The following TNK2 variants were observed in gnomAD, a reference collection of about 807,000 sequenced individuals.
TNK2 encodes tyrosine kinase non receptor 2.
Under a neutral mutation model 101.8 loss-of-function variants are expected in TNK2, and 83 were observed. The observed-to-expected ratio is 0.82, with a 90% CI of 0.68 to 0.98. The LOEUF (loss-of-function observed/expected upper bound fraction) is 0.98. Ranked by LOEUF, TNK2 falls within the 50% of genes least tolerant of loss-of-function variation. TNK2 has a pLI of 0.00. For synonymous variants in TNK2, 804 were observed against 633.0 expected, an observed-to-expected ratio of 1.27 and a Z score of -4.06; for missense variants, 1,665 against 1,483.2, an observed-to-expected ratio of 1.12 and a Z score of -2.01.
At position 195,869,854 on chromosome 3, in the gene TNK2, G is replaced by T. The variant is rs114974453; in HGVS notation, c.1543+260C>A. 1,095 of 557,458 alleles carry T rather than the reference G, an allele frequency of 2.0e-3. 13 individuals carry two copies. Among genetic ancestry groups the T allele is most frequent in the African/African-American group, 0.018 (961 of 53,128 alleles). The allele number at this position is 557,458 out of a possible 1,614,324, so 34.5% of individuals were successfully genotyped here. A position where few individuals can be genotyped will look rare whatever the true frequency, so the allele number is the denominator to read the frequency against. Reference sequence around the variant, plus strand: ...GTGAGGAAAGCCAGGATCTGAGCTCGGCCGTGGAAGGAGGGAGGAGGGACG... The same window carrying T: ...GTGAGGAAAGCCAGGATCTGAGCTCTGCCGTGGAAGGAGGGAGGAGGGACG... On this transcript the variant is annotated intron_variant, in intron 11 of 15. Coordinates refer to ENST00000672887, the MANE Select transcript of TNK2 (RefSeq NM_001382273.1).
chr3:195,870,010 T>C (rs2149274508), intron 11 of TNK2, 104 bp downstream of exon 11: 2 of 920,670 alleles, frequency 2.2e-6, no homozygotes, highest in Non-Finnish European at 3.2e-6. Flanking sequence ...CTGACCCCAC[T>C]GTCCCCAAAA....
In TNK2 at chr3:195,879,096, T is replaced by A; in HGVS notation, c.967A>T (p.Met323Leu). Residue 323 changes from methionine (M) to leucine (L), a missense_variant, in exon 7 of 16, where the codon ATG becomes TTG. Transcript: ENST00000672887. ...CAGGGCTCCTGGCCGTAGGTGAACA[T>A]TTCCCACAGTGTCACCCCGAACATC... ...TWMFGVTLWE[M>L]FTYGQEPWIG... 6.2e-7 allele frequency: 1 copy of A among 1,613,746 alleles called. No homozygotes were observed. Among genetic ancestry groups the A allele is most frequent in the Non-Finnish European group, 8.5e-7 (1 of 1,179,984 alleles).
chr3:195,872,543 C>T, intron 9 of TNK2, 73 bp from the exon 10 acceptor site: 1 of 1,455,964 alleles, frequency 6.9e-7, no homozygotes. Flanking sequence ...CTCCTCACAC[C>T]CTGGCCACTG....
At position 195,892,556 on chromosome 3, in the gene TNK2, C is replaced by T. The variant is rs959906895; in HGVS notation, c.-18-3950G>A. The stretch of plus-strand genomic sequence containing the variant: ...GTGGCCTCGGCTCCGGAGCTTCGCA[C>T]TCTGCCCAGGAGCCCCCCAAATCCC... On this transcript the variant is annotated intron_variant, in intron 1 of 15. Coordinates refer to ENST00000672887, the MANE Select transcript of TNK2 (RefSeq NM_001382273.1). 4 of 1,517,484 alleles carry T rather than the reference C, an allele frequency of 2.6e-6. No individual in the cohort carries two copies. In the African/African-American group the frequency reaches 4.1e-5, roughly 16 times the overall value. 94.0% of individuals were successfully genotyped at this position (1,517,484 alleles called of 1,614,324 possible).
Position 195,870,209 on chromosome 3 carries a change from TG to T in TNK2, c.1452-5del, listed in dbSNP as rs758953167. 1 of 1,573,472 alleles carries T rather than the reference TG, an allele frequency of 6.4e-7. No homozygotes were observed. Among genetic ancestry groups the T allele is most frequent in the Non-Finnish European group, 8.6e-7 (1 of 1,158,346 alleles). ...CATGGGGTTTCCCAGATACAGTCTG[TG>T]GGGGAGAGAGCTGGGTCAAGAGAGC... On this transcript the variant is annotated splice_polypyrimidine_tract_variant and splice_region_variant and intron_variant, in intron 10 of 15. Transcript: ENST00000672887.
At chr3:195,887,231 C>T (rs1425515940) in intron 2 of TNK2, among the ~76,000 whole-genome samples, 184 bp from the exon 3 acceptor site, 2 of 152,270 alleles carry the variant, frequency 1.3e-5, no homozygotes, top group Admixed American at 1.3e-4. Flanking sequence ...CACTTCCTGG[C>T]ACTGGCTCTC....
chr3:195,887,855 T>C (rs777998447), intron 2 of TNK2, among the ~76,000 whole-genome samples: 1 of 143,326 alleles, frequency 7.0e-6, no homozygotes, highest in East Asian at 2.1e-4. Flanking sequence ...TGTGTGCGTG[T>C]CTGTGTGCGC....
chr3:195,887,771 G>A (rs1756412306), intron 2 of TNK2, among the ~76,000 whole-genome samples: 1 of 129,960 alleles, frequency 7.7e-6, no homozygotes, highest in African/African-American at 3.8e-5. Context: ...GCACGTGTGT[G>A]CGTCTGCGCG....
intron 1 of TNK2, chr3:195,895,343 GCCCGCAGCCCCCGC>G: frequency 6.4e-7 from 1 of 1,562,092 alleles, no homozygotes; most frequent in Non-Finnish European, 8.7e-7. Flanking sequence ...GAGAAGCAGC[GCCCGCAGCCCCCGC>G]CCCGCAGCGG....
Position 195,869,494 on chromosome 3 carries a change from T to A in TNK2, c.1588+3A>T, listed in dbSNP as rs2149262161. ...CCAAGGCATCGGAAGCAGCCCCACT[T>A]ACTCTGAGTGAAGAAGGCAGGCTGA... On this transcript the variant is annotated splice_donor_region_variant and intron_variant, in intron 12 of 15. Transcript: ENST00000672887. The A allele has an allele frequency of 6.4e-7, 1 of 1,550,594 alleles. No individual in the cohort carries two copies. Among genetic ancestry groups the A allele is most frequent in the Middle Eastern group, 1.7e-4 (1 of 5,930 alleles).
At chr3:195,890,329 G>A (rs1291703696) in intron 1 of TNK2, among the ~76,000 whole-genome samples, 4 of 152,154 alleles carry the variant, frequency 2.6e-5, no homozygotes, top group African/African-American at 4.8e-5. Flanking sequence ...CCTGCAATGC[G>A]TAGGACATTC....
intron 1 of TNK2, among the ~76,000 whole-genome samples, chr3:195,900,548 C>T (rs982386070): frequency 2.0e-5 from 3 of 152,206 alleles, no homozygotes; most frequent in Admixed American, 6.5e-5. Context: ...GGAGTGTCAA[C>T]GCCGACACAA....
In TNK2 at chr3:195,888,663, C is replaced by A; in HGVS notation, c.-18-57G>T. ...GTTGTGGGGGGACAACAGGGGCCTG[C>A]CCGAGTGACCTGGGCTCACCTTCAT... On this transcript the variant is annotated intron_variant, in intron 1 of 15. Coordinates refer to ENST00000672887, the MANE Select transcript of TNK2 (RefSeq NM_001382273.1). The surrounding 1 kb of genome is among the most constrained non-coding windows in gnomAD (Gnocchi z 5.3). 1 of 1,500,720 alleles carries A rather than the reference C, an allele frequency of 6.7e-7. No homozygotes were observed. Among genetic ancestry groups the A allele is most frequent in the Non-Finnish European group, 9.0e-7 (1 of 1,113,560 alleles). 93.0% of individuals were successfully genotyped at this position (1,500,720 alleles called of 1,614,324 possible). A position where few individuals can be genotyped will look rare whatever the true frequency, so the allele number is the denominator to read the frequency against.
intron 1 of TNK2, 112 bp downstream of exon 1, chr3:195,908,373 G>A (rs73891174): frequency 0.012 from 1,861 of 152,816 alleles, 32 homozygotes; most frequent in African/African-American, 0.043. Context: ...TCCCTCCAGG[G>A]ATGAAAGGCC....
At chr3:195,865,643 A>G (rs1270716071) in intron 15 of TNK2, among the ~76,000 whole-genome samples, 242 of 114,816 alleles carry the variant, frequency 2.1e-3, no homozygotes, top group Middle Eastern at 0.014. Flanking sequence ...ACCCGAGACA[A>G]TGACAGACAG....
At chr3:195,884,636 T>C in intron 4 of TNK2, 176 bp downstream of exon 4, 1 of 606,808 alleles carries the variant, frequency 1.6e-6, no homozygotes, top group East Asian at 2.9e-5. Context: ...AGAGCGAGAC[T>C]CCATCTCAAA....
intron 10 of TNK2, chr3:195,870,430 A>G (rs969275881): frequency 6.5e-6 from 9 of 1,381,502 alleles, no homozygotes; most frequent in African/African-American, 2.9e-5. Context: ...AAAGCCTAGG[A>G]CCTCAGGGAC....
chr3:195,879,414 A>G, intron 6 of TNK2: 1 of 459,006 alleles, frequency 2.2e-6, no homozygotes, highest in South Asian at 3.1e-5. Context: ...GGGAAGAGGA[A>G]AGGAAGTTTC....
chr3:195,895,318 G>C, intron 1 of TNK2: 2 of 1,578,070 alleles, frequency 1.3e-6, no homozygotes, highest in South Asian at 1.2e-5. Flanking sequence ...AAATCCCAGC[G>C]GCTGCGGTCA....
Sources: allele counts gnomAD v4.1 joint callset (sites outside exome capture counted in the v4.1 genomes callset), GRCh38; gene constraint gnomAD v4.1.1; non-coding constraint Gnocchi (gnomAD v3.1); transcripts MANE v1.5; gene names NCBI Gene and HGNC (gene_info 2026-07-23, HGNC 2026-07-21).